The following DPP6 variants were observed in gnomAD, a reference collection of about 807,000 sequenced individuals.
The protein encoded by DPP6 is A-type potassium channel modulatory protein DPP6.
A neutral mutation model predicts 122.6 loss-of-function variants in DPP6; 69 were observed. The observed-to-expected ratio is 0.56, with a 90% confidence interval of 0.46 to 0.69. The LOEUF (loss-of-function observed/expected upper bound fraction) is 0.69, where lower values mean the gene tolerates loss of function less well. Among genes scored for constraint, DPP6 ranks in the 30% least tolerant of loss-of-function variants. The pLI is 0.00. For missense variants in DPP6, 928 were observed against 1,116.9 expected (o/e 0.83, Z 2.41); for synonymous variants, 418 against 433.1 (o/e 0.97, Z 0.43).
At chr7:153,853,622 C>T in the DPP6 span, among the ~76,000 whole-genome samples, 210 of 152,170 alleles carry the variant, frequency 1.4e-3, 3 homozygotes, top group African/African-American at 4.3e-3. Context: ...CTTGGAAGTA[C>T]GCCGTGAGAC....
chr7:153,878,196 T>C, the DPP6 span, among the ~76,000 whole-genome samples: 8 of 152,192 alleles, frequency 5.3e-5, no homozygotes, highest in Admixed American at 5.2e-4. Flanking sequence ...GCAGCCTCTG[T>C]TTATCAGGTT....
chr7:153,848,611 A>G, the DPP6 span, among the ~76,000 whole-genome samples: 1 of 152,272 alleles, frequency 6.6e-6, no homozygotes, highest in South Asian at 2.1e-4. Flanking sequence ...GCAATTCTCT[A>G]CAACTGTCAA....
At chr7:154,637,777 C>G (rs1432454409) in intron 5 of DPP6, 44 bp from the exon 6 acceptor site, 2 of 1,535,916 alleles carry the variant, frequency 1.3e-6, no homozygotes, top group Admixed American at 4.1e-5. Flanking sequence ...ATCGTAACAG[C>G]CTTTGTCTCA....
the DPP6 span, among the ~76,000 whole-genome samples, chr7:153,854,958 AATC>A: frequency 6.8e-6 from 1 of 146,104 alleles, no homozygotes; most frequent in Non-Finnish European, 1.5e-5. Flanking sequence ...TGAAATTGGA[AATC>A]ATCATTCTCA....
At chr7:154,747,001 GT>G (rs1843065540) in intron 8 of DPP6, among the ~76,000 whole-genome samples, 2 of 152,186 alleles carry the variant, frequency 1.3e-5, no homozygotes, top group African/African-American at 2.4e-5. Context: ...GATAATATCA[GT>G]TACAATCATG....
At chr7:154,516,102 T>TAA (rs1049594863) in intron 3 of DPP6, among the ~76,000 whole-genome samples, 1 of 152,164 alleles carries the variant, frequency 6.6e-6, no homozygotes, top group African/African-American at 2.4e-5. Context: ...CCAGTGAACT[T>TAA]GACAGAGTCT....
At chr7:154,429,499 G>A (rs939421862) in intron 1 of DPP6, among the ~76,000 whole-genome samples, 2 of 152,194 alleles carry the variant, frequency 1.3e-5, no homozygotes, top group Non-Finnish European at 2.9e-5. Context: ...GGTTCACTAC[G>A]ACAGAGCATC....
At chr7:153,952,677 G>A (rs958018319) in intron 1 of DPP6, among the ~76,000 whole-genome samples, 8 of 152,110 alleles carry the variant, frequency 5.3e-5, no homozygotes, top group African/African-American at 1.9e-4. Context: ...TTTTTGAAAG[G>A]TTTATTTATT....
At chr7:154,457,760 G>A (rs1820925367) in intron 2 of DPP6, among the ~76,000 whole-genome samples, 1 of 17,178 alleles carries the variant, frequency 5.8e-5, no homozygotes, top group Middle Eastern at 0.013. Flanking sequence ...CTCATAGGTG[G>A]GAATTGAACA....
the DPP6 span, among the ~76,000 whole-genome samples, chr7:153,875,310 CA>C: frequency 6.6e-6 from 1 of 151,800 alleles, no homozygotes; most frequent in Non-Finnish European, 1.5e-5. Flanking sequence ...TTTTGAAAAA[CA>C]AAAACCTAGG....
chr7:153,950,162 G>T (rs1345420368), intron 1 of DPP6, among the ~76,000 whole-genome samples: 1 of 152,158 alleles, frequency 6.6e-6, no homozygotes, highest in African/African-American at 2.4e-5. Flanking sequence ...CGGTTTACCT[G>T]GGGACAGGGT....
At chr7:154,203,420 G>A (rs191224964) in intron 1 of DPP6, among the ~76,000 whole-genome samples, 250 of 152,290 alleles carry the variant, frequency 1.6e-3, no homozygotes, top group Non-Finnish European at 1.2e-3. Flanking sequence ...ACATGCTGCA[G>A]CCTTGTCCTC....
At chr7:154,643,467 C>CCTTTTTTTTTTT (rs1563052019) in intron 6 of DPP6, among the ~76,000 whole-genome samples, 1 of 117,554 alleles carries the variant, frequency 8.5e-6, no homozygotes. Context: ...TGAGTAATTT[C>CCTTTTTTTTTTT]TTTTTTTTTT....
chr7:154,578,026 A>T (rs1371100125), intron 5 of DPP6, among the ~76,000 whole-genome samples: 1 of 152,160 alleles, frequency 6.6e-6, no homozygotes, highest in Non-Finnish European at 1.5e-5. Flanking sequence ...ACTGCTGTGG[A>T]GAAGATAATT....
chr7:153,786,249 T>C, the DPP6 span, among the ~76,000 whole-genome samples: 1 of 120,076 alleles, frequency 8.3e-6, no homozygotes, highest in Non-Finnish European at 1.8e-5. Context: ...AACCCTTCTG[T>C]TGGTGGTTTT....
chr7:153,924,033 G>A (rs954547498), intron 1 of DPP6, among the ~76,000 whole-genome samples: 2 of 152,066 alleles, frequency 1.3e-5, no homozygotes, highest in African/African-American at 4.8e-5. Context: ...TTTTCTAGCT[G>A]GGTAACCCTG....
intron 7 of DPP6, among the ~76,000 whole-genome samples, chr7:154,716,991 G>A (rs765740612): frequency 1.6e-4 from 25 of 151,718 alleles, no homozygotes; most frequent in East Asian, 3.9e-4. Flanking sequence ...GCACCACAAC[G>A]CACAGCTAAT....
At chr7:154,738,945 G>T (rs938297439) in intron 8 of DPP6, among the ~76,000 whole-genome samples, 1 of 152,140 alleles carries the variant, frequency 6.6e-6, no homozygotes, top group South Asian at 2.1e-4. Flanking sequence ...TGTATTTCTC[G>T]TCGGAGATCA....
At chr7:154,230,059 GAGT>G (rs1563343020) in intron 1 of DPP6, among the ~76,000 whole-genome samples, 1 of 152,102 alleles carries the variant, frequency 6.6e-6, no homozygotes, top group Non-Finnish European at 1.5e-5. Context: ...AGGAAAGTTA[GAGT>G]TTGCAAGATC....
Sources: allele counts gnomAD v4.1 joint callset (sites outside exome capture counted in the v4.1 genomes callset), GRCh38; gene constraint gnomAD v4.1.1; transcripts MANE v1.5; gene names NCBI Gene and HGNC (gene_info 2026-07-23, HGNC 2026-07-21).